The following PDLIM3 variants were observed in gnomAD, a reference collection of about 807,000 sequenced individuals.
PDLIM3 encodes PDZ and LIM domain 3.
Under a neutral mutation model 37.3 loss-of-function variants are expected in PDLIM3, and 36 were observed. That is an observed-to-expected ratio of 0.97 (90% CI 0.74 to 1.28). The LOEUF is 1.28. PDLIM3 is among the 50% of genes most tolerant of loss of function. PDLIM3 has a pLI of 0.00. For missense variants in PDLIM3, 454 were observed against 485.0 expected (o/e 0.94, Z 0.60); for synonymous variants, 174 against 182.4 (o/e 0.95, Z 0.37).
chr4:185,514,290 G>A lies in PDLIM3; in HGVS notation c.378C>T (p.Phe126=), dbSNP rs917562039. Residue 126 remains phenylalanine, a synonymous_variant, in exon 4 of 8, where the codon TTC becomes TTT. Transcript: ENST00000284767. The surrounding 1 kb of genome is among the most constrained non-coding windows in gnomAD (Gnocchi z 4.0). ...EHKHNIRPKP[F]VIPGRSSGCS... The stretch of plus-strand genomic sequence containing the variant: ...ATGACCTGCTTCGGCCCGGGATCAC[G>A]AAAGGTTTGGGCCGAATATTATGCT... 1.2e-6 allele frequency: 2 copies of A among 1,614,206 alleles called. No homozygotes were observed. Among genetic ancestry groups the A allele is most frequent in the Non-Finnish European group, 1.7e-6 (2 of 1,180,046 alleles).
chr4:185,514,364 C>A lies in PDLIM3; in HGVS notation c.331-27G>T. On this transcript the variant is annotated intron_variant, in intron 3 of 7. Transcript: ENST00000284767. This position sits in a 1 kb window ranked among gnomAD's most constrained non-coding sequence, Gnocchi z 4.0. ...TGTGAAAACAAAGCGTTAAAAAGGC[C>A]CTCAGTGGAAGGCGGACACTGTTGC... 1 of 1,614,130 alleles carries A rather than the reference C, an allele frequency of 6.2e-7. No homozygotes were observed. The highest frequency in any genetic ancestry group is 8.5e-7 in the Non-Finnish European group (1 of 1,180,024).
intron 7 of PDLIM3, among the ~76,000 whole-genome samples, chr4:185,503,331 T>A (rs1235076738): frequency 1.3e-5 from 2 of 152,190 alleles, no homozygotes; most frequent in African/African-American, 4.8e-5. Flanking sequence ...CTGTGAACAG[T>A]TTATTCCAAC....
chr4:185,502,626 C>A, intron 7 of PDLIM3, 143 bp from the exon 8 acceptor site: 1 of 753,678 alleles, frequency 1.3e-6, no homozygotes, highest in South Asian at 1.5e-5. Flanking sequence ...CAGGCACAGC[C>A]GTGAAACTGT....
At chr4:185,512,630 G>T in intron 4 of PDLIM3, 1 of 974,460 alleles carries the variant, frequency 1.0e-6, no homozygotes, top group Non-Finnish European at 1.2e-6. Flanking sequence ...TAGGTTTTTA[G>T]TAAAGGCAGG....
At position 185,525,113 on chromosome 4, in the gene PDLIM3, G is replaced by A. The variant is rs755994888; in HGVS notation, c.152C>T (p.Ala51Val). ...ANLCPGDVILAIDGFGTESMT... is the reference protein window; with the variant it reads ...ANLCPGDVILVIDGFGTESMT... ...GGACTCTGTCCCAAAGCCGTCAATA[G>A]CCAGGATGACATCTCCAGGACACAG... Residue 51 changes from alanine (A) to valine (V), a missense_variant, in exon 2 of 8, where the codon GCT (alanine) becomes GTT (valine). By Grantham distance (64) the Ala-to-Val change is moderately conservative (BLOSUM62 0). Coordinates refer to ENST00000284767, the MANE Select transcript of PDLIM3 (RefSeq NM_014476.6). 2.1e-5 allele frequency: 34 copies of A among 1,613,966 alleles called. No homozygotes were observed. The South Asian group carries it at 3.6e-4, about 17-fold the overall frequency.
At chr4:185,503,027 A>G (rs1233753140) in intron 7 of PDLIM3, among the ~76,000 whole-genome samples, 1 of 152,112 alleles carries the variant, frequency 6.6e-6, no homozygotes, top group Non-Finnish European at 1.5e-5. Flanking sequence ...GGAGATCGAG[A>G]CCATCCTGGC....
chr4:185,535,086 C>G (rs1346333861), intron 1 of PDLIM3, among the ~76,000 whole-genome samples: 1 of 152,264 alleles, frequency 6.6e-6, no homozygotes, highest in African/African-American at 2.4e-5. Flanking sequence ...TGGCTCTCCT[C>G]GGAAAGTCGC....
chr4:185,533,386 A>C (rs1396183560), intron 1 of PDLIM3, among the ~76,000 whole-genome samples: 2 of 152,190 alleles, frequency 1.3e-5, no homozygotes, highest in Non-Finnish European at 2.9e-5. Flanking sequence ...AAATATTCTG[A>C]ATTAGGTGTT....
chr4:185,518,997 G>A (rs1363393648), intron 3 of PDLIM3, among the ~76,000 whole-genome samples: 1 of 152,108 alleles, frequency 6.6e-6, no homozygotes, highest in Non-Finnish European at 1.5e-5. Flanking sequence ...CTAACATTAA[G>A]CAAATATGAG....
chr4:185,524,652 C>CTCCATTCCAT (rs879898369), intron 2 of PDLIM3, among the ~76,000 whole-genome samples: 3 of 152,122 alleles, frequency 2.0e-5, no homozygotes. Context: ...AGGGGAATCT[C>CTCCATTCCAT]TCCATTCCAT....
intron 4 of PDLIM3, chr4:185,513,560 T>C: frequency 1.0e-6 from 1 of 985,216 alleles, no homozygotes; most frequent in Non-Finnish European, 1.2e-6. Flanking sequence ...AACATGCCTG[T>C]GAAATAAATC....
chr4:185,514,669 G>C lies in PDLIM3; in HGVS notation c.331-332C>G, dbSNP rs1305516137. On this transcript the variant is annotated intron_variant, in intron 3 of 7. Transcript: ENST00000284767. The surrounding 1 kb of genome is among the most constrained non-coding windows in gnomAD (Gnocchi z 4.0). ...AAAGAAACCATGCTATCACTGTTAGGTACACTGTGGCCAGAACAGAGCCGG... is the reference window on the plus strand; with the variant it reads ...AAAGAAACCATGCTATCACTGTTAGCTACACTGTGGCCAGAACAGAGCCGG... 3 of 1,534,566 alleles carry C rather than the reference G, an allele frequency of 2.0e-6. No individual in the cohort carries two copies. Among genetic ancestry groups the C allele is most frequent in the Non-Finnish European group, 2.6e-6 (3 of 1,134,894 alleles).
intron 3 of PDLIM3, among the ~76,000 whole-genome samples, chr4:185,518,746 C>A (rs1283729514): frequency 6.6e-6 from 1 of 152,088 alleles, no homozygotes; most frequent in Non-Finnish European, 1.5e-5. Flanking sequence ...ACTATGAAAG[C>A]TTGTTTTATA....
chr4:185,506,348 C>A (rs539667313), intron 6 of PDLIM3, among the ~76,000 whole-genome samples, 174 bp downstream of exon 6: 1 of 152,302 alleles, frequency 6.6e-6, no homozygotes, highest in South Asian at 2.1e-4. Context: ...CCTGGAATCT[C>A]CTTTTTTAAA....
rs185513469 is a variant in PDLIM3, at chr4:185,524,934, T to G, written c.245+86A>C. On this transcript the variant is annotated intron_variant, in intron 2 of 7. Transcript: ENST00000284767. ...AAAATACTAGGTCTGTGGCCCTCCT[T>G]GCTGGGAGGATGAAGTTATTTATAG... 395 of 1,361,942 alleles carry G rather than the reference T, an allele frequency of 2.9e-4. 6 individuals carry two copies. In the East Asian group the frequency reaches 7.9e-3, roughly 27 times the overall value. 84.4% of individuals were successfully genotyped at this position (1,361,942 alleles called of 1,614,324 possible).
intron 3 of PDLIM3, chr4:185,515,519 A>G (rs752437414): frequency 6.6e-6 from 1 of 152,246 alleles, no homozygotes; most frequent in Non-Finnish European, 1.5e-5. Flanking sequence ...GAAAGCGGGA[A>G]TAACATATAC....
rs1175762732 is a variant in PDLIM3 at position 185,506,642 on chromosome 4, C to T, written c.673G>A (p.Ala225Thr). The T allele has an allele frequency of 6.2e-7, 1 of 1,605,184 alleles. No individual in the cohort carries two copies. The highest frequency in any genetic ancestry group is 8.5e-7 in the Non-Finnish European group (1 of 1,179,934). The change falls in exon 6 of 8, where the codon GCC becomes ACC. Residue 225 changes from alanine to threonine, a missense_variant. Coordinates refer to ENST00000284767, the MANE Select transcript of PDLIM3 (RefSeq NM_014476.6). ...ACGTCCGACTCGGGGGGCACCGAGG[C>T]TGTGGGCTCGCTGAAACACAGGCAC... ...GETPLMSEPT[A>T]SVPPESDVYR...
exon 1 of PDLIM3, chr4:185,535,496 GGGCGGCGTCCTGGCCCCGACCCGGGC>G (rs1221149878): frequency 2.1e-6 from 3 of 1,442,128 alleles, no homozygotes; most frequent in Non-Finnish European, 2.8e-6. Flanking sequence ...ACTCCGCGCC[GGGCGGCGTCCTGGCCCCGACCCGGGC>G]GGGGGCGCTT....
intron 6 of PDLIM3, 149 bp downstream of exon 6, chr4:185,506,373 T>C: frequency 9.9e-7 from 1 of 1,013,744 alleles, no homozygotes; most frequent in Non-Finnish European, 1.5e-6. Context: ...GCACCATCCA[T>C]ATCCTATCCT....
Sources: gnomAD v4.1 joint callset for allele counts (sites outside exome capture counted in the v4.1 genomes callset) on GRCh38, gnomAD v4.1.1 for gene constraint, Gnocchi (gnomAD v3.1) non-coding constraint, MANE v1.5 for transcripts, NCBI Gene and HGNC (gene_info 2026-07-23, HGNC 2026-07-21) for gene names.